The following RPL22 variants were observed in gnomAD, a reference collection of about 807,000 sequenced individuals.
RPL22 encodes large ribosomal subunit protein eL22.
A neutral mutation model predicts 16.2 loss-of-function variants in RPL22; 4 were observed. The ratio of observed to expected loss-of-function variants is 0.25; its 90% CI spans 0.12 to 0.57. RPL22 has a LOEUF of 0.57. RPL22 is among the 20% of genes least tolerant of loss of function. RPL22 has a pLI of 0.92. For synonymous variants in RPL22, 43 were observed against 54.8 expected (o/e 0.78, Z 0.95); for missense variants, 83 against 156.1 (o/e 0.53, Z 2.49).
At chr1:6,187,174 G>A (rs983782650) in intron 3 of RPL22, among the ~76,000 whole-genome samples, 4 of 152,138 alleles carry the variant, frequency 2.6e-5, no homozygotes, top group African/African-American at 9.7e-5. Flanking sequence ...TGGGCGTGGT[G>A]GTGCACGCCT....
intron 2 of RPL22, among the ~76,000 whole-genome samples, chr1:6,195,624 C>T (rs561396049): frequency 3.3e-5 from 5 of 151,378 alleles, no homozygotes; most frequent in African/African-American, 7.3e-5. Flanking sequence ...TGGTGGCACA[C>T]GCCTGTAATC....
chr1:6,194,353 G>A (rs1369533843), intron 2 of RPL22, among the ~76,000 whole-genome samples: 4 of 152,214 alleles, frequency 2.6e-5, no homozygotes, highest in Non-Finnish European at 5.9e-5. Flanking sequence ...CATAGGGACT[G>A]AAACAATTCT....
At chr1:6,195,464 AT>A (rs762604995) in intron 2 of RPL22, among the ~76,000 whole-genome samples, 146 of 148,618 alleles carry the variant, frequency 9.8e-4, no homozygotes, top group African/African-American at 3.2e-3. Context: ...AAAAAAAAAA[AT>A]TTGGCTGGGC....
intron 2 of RPL22, among the ~76,000 whole-genome samples, chr1:6,197,392 C>T (rs1667733857): frequency 3.9e-5 from 6 of 152,164 alleles, no homozygotes. Context: ...ACAAGATAGT[C>T]CTCTAACACC....
chr1:6,193,643 GTCTC>G (rs974946362), intron 2 of RPL22, among the ~76,000 whole-genome samples: 1 of 150,596 alleles, frequency 6.6e-6, no homozygotes, highest in Non-Finnish European at 1.5e-5. Context: ...AAGAGAAGGG[GTCTC>G]TCTATGTTGG....
In RPL22 at chr1:6,186,407, C is replaced by T; in HGVS notation, c.*265G>A. On this transcript the variant is annotated 3_prime_UTR_variant, in exon 4 of 4. Transcript: ENST00000234875. ...ACTACCTTCAGCCCACACCTCCACA[C>T]CCGCATCTGCCTCCCCAATGGCTGT... 1.0e-5 allele frequency: 4 copies of T among 384,336 alleles called. No individual in the cohort carries two copies. The highest frequency in any genetic ancestry group is 4.5e-5 in the Admixed American group (1 of 22,200). 23.8% of individuals were successfully genotyped at this position (384,336 alleles called of 1,614,324 possible).
intron 2 of RPL22, among the ~76,000 whole-genome samples, chr1:6,196,122 C>T (rs889849009): frequency 6.6e-6 from 1 of 152,130 alleles, no homozygotes; most frequent in Non-Finnish European, 1.5e-5. Context: ...ATAGATGGGG[C>T]ACAGAGTGAT....
chr1:6,192,383 C>T (rs11121449), intron 3 of RPL22, among the ~76,000 whole-genome samples: 20,036 of 152,208 alleles, frequency 0.13, 2,623 homozygotes, highest in African/African-American at 0.34. Context: ...GAAAGCAAGT[C>T]TGAGTACCTT....
intron 3 of RPL22, among the ~76,000 whole-genome samples, chr1:6,188,252 C>T (rs1667606938): frequency 6.6e-6 from 1 of 152,132 alleles, no homozygotes; most frequent in African/African-American, 2.4e-5. Flanking sequence ...AGTCTGGTCT[C>T]GAACTCCTGG....
Position 6,193,094 on chromosome 1 carries a change from C to A in RPL22, c.118-40G>T, listed in dbSNP as rs778273300. On this transcript the variant is annotated intron_variant, in intron 2 of 3. Transcript: ENST00000234875. ...AAATTGACCAATGAAGTGACAAGTTCATCTGTCTCAACAGAATATTTTATC... is the reference window on the plus strand; with the variant it reads ...AAATTGACCAATGAAGTGACAAGTTAATCTGTCTCAACAGAATATTTTATC... 6.2e-6 allele frequency: 10 copies of A among 1,610,420 alleles called. No homozygotes were observed. The African/African-American group carries it at 1.3e-4, about 22-fold the overall frequency.
chr1:6,189,915 C>T (rs1461484753), intron 3 of RPL22, among the ~76,000 whole-genome samples: 2 of 152,056 alleles, frequency 1.3e-5, no homozygotes, highest in Non-Finnish European at 1.5e-5. Context: ...GATCAAAACT[C>T]GTTTTCAAAA....
At chr1:6,192,133 C>T (rs145208160) in intron 3 of RPL22, among the ~76,000 whole-genome samples, 25 of 152,140 alleles carry the variant, frequency 1.6e-4, no homozygotes, top group Admixed American at 6.5e-4. Flanking sequence ...CATTACAACC[C>T]TAACCTGCTG....
intron 3 of RPL22, among the ~76,000 whole-genome samples, chr1:6,192,280 C>T (rs558365988): frequency 6.6e-6 from 1 of 152,314 alleles, no homozygotes; most frequent in South Asian, 2.1e-4. Context: ...CTCCTGGGCT[C>T]AAGCAATACT....
At position 6,185,075 on chromosome 1, in the gene RPL22, G is replaced by C; in HGVS notation, c.*1597C>G. 2.7e-6 allele frequency: 1 copy of C among 366,362 alleles called. No individual in the cohort carries two copies. The highest frequency in any genetic ancestry group is 3.9e-5 in the East Asian group (1 of 25,924). 22.7% of individuals were successfully genotyped at this position (366,362 alleles called of 1,614,324 possible). ...TTAATAGAAAATATGATCAAAACTC[G>C]ATTACAAGAGTTCAAAAAGACATAG... is the stretch of plus-strand genomic sequence containing the variant. On this transcript the variant is annotated 3_prime_UTR_variant, in exon 4 of 4. Transcript: ENST00000234875.
At position 6,197,310 on chromosome 1, in the gene RPL22, G is replaced by A. The variant is rs141368007; in HGVS notation, c.117+342C>T. ...CTCCTAAAGTGTTGGGATTACGGGC[G>A]TGAGCCACCGTGCCTGGCTTGTTTC... On this transcript the variant is annotated intron_variant, in intron 2 of 3. Transcript: ENST00000234875. Among the ~76,000 whole-genome samples the A allele has an allele frequency of 5.2e-3, 788 of 152,258 alleles. 4 individuals carry two copies. The highest frequency in any genetic ancestry group is 0.018 in the African/African-American group (752 of 41,544).
Position 6,185,076 on chromosome 1 carries a change from A to G in RPL22, c.*1596T>C, listed in dbSNP as rs918033244. On this transcript the variant is annotated 3_prime_UTR_variant, in exon 4 of 4. Coordinates refer to ENST00000234875, the MANE Select transcript of RPL22 (RefSeq NM_000983.4). The stretch of plus-strand genomic sequence containing the variant: ...TAATAGAAAATATGATCAAAACTCG[A>G]TTACAAGAGTTCAAAAAGACATAGA... The G allele has an allele frequency of 2.7e-6, 1 of 369,530 alleles. No homozygotes were observed. Among genetic ancestry groups the G allele is most frequent in the Non-Finnish European group, 4.8e-6 (1 of 208,714 alleles). 22.9% of individuals were successfully genotyped at this position (369,530 alleles called of 1,614,324 possible).
chr1:6,190,373 T>C (rs1201530375), intron 3 of RPL22, among the ~76,000 whole-genome samples: 1 of 152,188 alleles, frequency 6.6e-6, no homozygotes, highest in East Asian at 1.9e-4. Context: ...TTTAGTATGT[T>C]GGTTTTCTTT....
intron 2 of RPL22, among the ~76,000 whole-genome samples, chr1:6,195,575 C>A (rs1667705607): frequency 6.6e-6 from 1 of 151,484 alleles, no homozygotes; most frequent in African/African-American, 2.4e-5. Flanking sequence ...CATGGTGAAG[C>A]GCCGTCTCTA....
At chr1:6,195,733 A>G (rs1289206646) in intron 2 of RPL22, among the ~76,000 whole-genome samples, 1 of 151,846 alleles carries the variant, frequency 6.6e-6, no homozygotes, top group Non-Finnish European at 1.5e-5. Context: ...CCTGGGTGAC[A>G]GAGTGAGATT....
Sources: allele counts gnomAD v4.1 joint callset (sites outside exome capture counted in the v4.1 genomes callset), GRCh38; gene constraint gnomAD v4.1.1; transcripts MANE v1.5; gene names NCBI Gene and HGNC (gene_info 2026-07-23, HGNC 2026-07-21).